Variants in RCL1 observed in about 807,000 individuals in gnomAD.
RCL1 encodes the protein RNA 3'-terminal phosphate cyclase-like protein.
In RCL1, 24 loss-of-function variants were observed where a neutral mutation model predicts 42.4. The ratio of observed to expected loss-of-function variants is 0.57; its 90% CI spans 0.41 to 0.80. The LOEUF (loss-of-function observed/expected upper bound fraction) is 0.80, where lower values mean the gene tolerates loss of function less well. Among genes scored for constraint, RCL1 ranks in the 30% least tolerant of loss-of-function variants. RCL1 has a pLI of 0.00. For synonymous variants in RCL1, 228 were observed against 177.3 expected (o/e 1.29, Z -2.27); for missense variants, 578 against 467.9 (o/e 1.24, Z -2.17).
At chr9:4,813,027 ACTTCCTC>A (rs1179259717) in intron 1 of RCL1, among the ~76,000 whole-genome samples, 1 of 152,114 alleles carries the variant, frequency 6.6e-6, no homozygotes, top group African/African-American at 2.4e-5. Flanking sequence ...GAACAGCTTA[ACTTCCTC>A]CTTCCCGATT....
chr9:4,826,922 C>T lies in RCL1; in HGVS notation c.273C>T (p.Val91=). ...YGGSVEHDCS[V]LRGIGYYLES... ...GATCTGTGGAACATGACTGTAGCGT[C>T]CTTCGTGGCATTGGGTATTACCTGG... Residue 91 remains valine, a synonymous_variant, in exon 3 of 9, where the codon GTC becomes GTT. Coordinates refer to ENST00000381750, the MANE Select transcript of RCL1 (RefSeq NM_005772.5). 3 of 1,614,106 alleles carry T rather than the reference C, an allele frequency of 1.9e-6. No homozygotes were observed. The highest frequency in any genetic ancestry group is 2.5e-6 in the Non-Finnish European group (3 of 1,179,980).
intron 2 of RCL1, among the ~76,000 whole-genome samples, chr9:4,824,432 C>T (rs1362444522): frequency 6.7e-6 from 1 of 148,242 alleles, no homozygotes. Context: ...TCCCTTCCAG[C>T]ACATGCAGGT....
In RCL1 at chr9:4,814,519, G is replaced by A. The variant is rs116358602; in HGVS notation, c.137-9029G>A. 6.3e-3 allele frequency among the ~76,000 whole-genome samples: 960 copies of A among 152,220 alleles called. 5 individuals carry two copies. Among genetic ancestry groups the A allele is most frequent in the African/African-American group, 0.019 (785 of 41,526 alleles). The stretch of plus-strand genomic sequence containing the variant: ...CTGGGCATGATCATCCTCCTGCCTT[G>A]GCTTCCCAAAGTGTTGGGATTCTAG... On this transcript the variant is annotated intron_variant, in intron 1 of 8. Coordinates refer to ENST00000381750, the MANE Select transcript of RCL1 (RefSeq NM_005772.5).
intron 1 of RCL1, among the ~76,000 whole-genome samples, chr9:4,797,156 C>T (rs1842926269): frequency 6.6e-6 from 1 of 152,210 alleles, no homozygotes; most frequent in African/African-American, 2.4e-5. Flanking sequence ...TGAGCCTCAA[C>T]TTTTTCACCT....
chr9:4,827,362 C>T (rs1313646108), intron 3 of RCL1: 5 of 964,624 alleles, frequency 5.2e-6, no homozygotes, highest in African/African-American at 3.3e-5. Context: ...TTTGTAAGAT[C>T]CTGTGGTAGC....
At chr9:4,803,945 T>C (rs1445122241) in intron 1 of RCL1, 1 of 152,430 alleles carries the variant, frequency 6.6e-6, no homozygotes, top group Non-Finnish European at 1.5e-5. Flanking sequence ...TCAGGCCCAG[T>C]GGTAAGGTTT....
chr9:4,849,614 C>G (rs1483547301), intron 8 of RCL1, 64 bp downstream of exon 8: 1 of 1,226,078 alleles, frequency 8.2e-7, no homozygotes, highest in East Asian at 2.4e-5. Flanking sequence ...CCCAAAATGA[C>G]AAAGGGTGTT....
chr9:4,818,620 C>T (rs1399000157), intron 1 of RCL1, among the ~76,000 whole-genome samples: 3 of 152,076 alleles, frequency 2.0e-5, no homozygotes, highest in Non-Finnish European at 2.9e-5. Flanking sequence ...AGGTGGCTCA[C>T]GCCTGTAATC....
intron 5 of RCL1, among the ~76,000 whole-genome samples, chr9:4,835,579 T>C (rs903707118): frequency 6.6e-6 from 1 of 151,728 alleles, no homozygotes; most frequent in Non-Finnish European, 1.5e-5. Flanking sequence ...GAAGCGAGAG[T>C]CAGGGAGACT....
chr9:4,830,871 C>CCTGAG (rs1816920706), intron 3 of RCL1, among the ~76,000 whole-genome samples: 1 of 152,056 alleles, frequency 6.6e-6, no homozygotes, highest in African/African-American at 2.4e-5. Context: ...ATACCTTTGC[C>CCTGAG]CTGAGCTGCC....
intron 8 of RCL1, among the ~76,000 whole-genome samples, chr9:4,856,842 T>C (rs985500664): frequency 3.9e-5 from 6 of 152,228 alleles, no homozygotes; most frequent in Non-Finnish European, 8.8e-5. Flanking sequence ...GTTTCATCTC[T>C]TAGCCCCTGA....
At chr9:4,850,845 C>T (rs368492578) in intron 8 of RCL1, among the ~76,000 whole-genome samples, 28 of 152,106 alleles carry the variant, frequency 1.8e-4, no homozygotes, top group African/African-American at 6.3e-4. Flanking sequence ...GTGGCCCCAC[C>T]GGCTTTGTAG....
chr9:4,850,341 A>G, intron 8 of RCL1: 1 of 534,346 alleles, frequency 1.9e-6, no homozygotes, highest in Non-Finnish European at 3.8e-6. Flanking sequence ...GTATATCTGA[A>G]AGGTACAGTA....
rs751208085 is a variant in RCL1 at position 4,834,159 on chromosome 9, C to T, written c.478C>T (p.Pro160Ser). Residue 160 changes from proline to serine, a missense_variant, in exon 5 of 9, where the codon CCT becomes TCT. Pro to Ser is a moderately conservative substitution (Grantham distance 74). Coordinates refer to ENST00000381750, the MANE Select transcript of RCL1 (RefSeq NM_005772.5). ...FELKIVRRGM[P>S]PGGGGEVVFS... ...TGTGTAGATTGTGCGACGGGGAATGCCTCCCGGAGGAGGAGGCGAAGTGGT... is the reference window on the plus strand; with the variant it reads ...TGTGTAGATTGTGCGACGGGGAATGTCTCCCGGAGGAGGAGGCGAAGTGGT... 3.1e-5 allele frequency: 50 copies of T among 1,606,434 alleles called. No individual in the cohort carries two copies. The highest frequency in any genetic ancestry group is 4.3e-5 in the Non-Finnish European group (50 of 1,176,210).
intron 5 of RCL1, among the ~76,000 whole-genome samples, chr9:4,835,572 G>A (rs1817095347): frequency 6.6e-6 from 1 of 152,230 alleles, no homozygotes; most frequent in African/African-American, 2.4e-5. Context: ...ACTTGATGAA[G>A]CGAGAGTCAG....
chr9:4,858,675 A>G (rs1223850905), intron 8 of RCL1, among the ~76,000 whole-genome samples: 1 of 152,154 alleles, frequency 6.6e-6, no homozygotes, highest in East Asian at 1.9e-4. Flanking sequence ...CTTGACTCTC[A>G]ATTCTCTTCC....
chr9:4,806,808 C>G (rs1026607189), intron 1 of RCL1, among the ~76,000 whole-genome samples: 3 of 151,690 alleles, frequency 2.0e-5, no homozygotes, highest in Non-Finnish European at 4.4e-5. Flanking sequence ...TTCCTGTTTT[C>G]TGAAAGAGAT....
intron 1 of RCL1, among the ~76,000 whole-genome samples, chr9:4,806,586 C>CTA: frequency 1.1e-5 from 1 of 94,284 alleles, no homozygotes; most frequent in African/African-American, 4.4e-5. Context: ...TCTACTTGAT[C>CTA]TACACACACA....
At chr9:4,799,946 G>C (rs1257109608) in intron 1 of RCL1, among the ~76,000 whole-genome samples, 1 of 152,160 alleles carries the variant, frequency 6.6e-6, no homozygotes, top group African/African-American at 2.4e-5. Context: ...GTTCATATGG[G>C]TTGTTGCTGC....
Sources: allele counts gnomAD v4.1 joint callset (sites outside exome capture counted in the v4.1 genomes callset), GRCh38; gene constraint gnomAD v4.1.1; transcripts MANE v1.5; gene names NCBI Gene and HGNC (gene_info 2026-07-23, HGNC 2026-07-21).